Variants in ARSB observed in about 807,000 individuals in gnomAD.
ARSB encodes N-acetylgalactosamine-4-sulfatase.
Under a neutral mutation model 50.9 loss-of-function variants are expected in ARSB, and 41 were observed. That is an observed-to-expected ratio of 0.81 (90% CI 0.63 to 1.04). The LOEUF (loss-of-function observed/expected upper bound fraction) is 1.04. Among genes scored for constraint, ARSB ranks in the 50% least tolerant of loss-of-function variants. The probability of loss-of-function intolerance (pLI) is 0.00; values close to 1 mark genes in which losing one functional copy is unlikely to be tolerated. For synonymous variants in ARSB, 269 were observed against 284.8 expected, an observed-to-expected ratio of 0.94 and a Z score of 0.56; for missense variants, 672 against 693.3, an observed-to-expected ratio of 0.97 and a Z score of 0.35.
chr5:78,928,504 TG>T (rs1561507299), intron 4 of ARSB, among the ~76,000 whole-genome samples: 1 of 151,798 alleles, frequency 6.6e-6, no homozygotes, highest in Non-Finnish European at 1.5e-5. Flanking sequence ...TTAGTAGAGA[TG>T]GGGTTTCGCC....
intron 6 of ARSB, among the ~76,000 whole-genome samples, chr5:78,804,779 C>T (rs746353261): frequency 3.1e-4 from 47 of 152,292 alleles, no homozygotes; most frequent in African/African-American, 6.3e-4. Context: ...TCCCAGCTCC[C>T]GGACAGTGGC....
intron 6 of ARSB, among the ~76,000 whole-genome samples, chr5:78,795,767 T>A (rs1743157666): frequency 6.6e-6 from 1 of 152,242 alleles, no homozygotes; most frequent in South Asian, 2.1e-4. Flanking sequence ...AAAATGCTCA[T>A]AATTTTTATA....
Position 78,817,122 on chromosome 5 carries a change from A to G in ARSB, c.1213+22234T>C, listed in dbSNP as rs190624711. On this transcript the variant is annotated intron_variant, in intron 6 of 7. Coordinates refer to ENST00000264914, the MANE Select transcript of ARSB (RefSeq NM_000046.5). ...TCCTTGTCTTCCGGACTTCAGTTCA[A>G]TCAGTTCTCTACTGGGAGAGATAAA... is the stretch of plus-strand genomic sequence containing the variant. 5 of 985,368 alleles carry G rather than the reference A, an allele frequency of 5.1e-6. No individual in the cohort carries two copies. In the Admixed American group the frequency reaches 2.5e-4, roughly 48 times the overall value. 61.0% of individuals were successfully genotyped at this position (985,368 alleles called of 1,614,324 possible).
At chr5:78,929,083 C>A (rs1257153521) in intron 4 of ARSB, among the ~76,000 whole-genome samples, 1 of 152,198 alleles carries the variant, frequency 6.6e-6, no homozygotes, top group Non-Finnish European at 1.5e-5. Flanking sequence ...TAAGAAGCTC[C>A]TCAATGACCC....
chr5:78,870,516 A>C (rs1417107214), intron 5 of ARSB, among the ~76,000 whole-genome samples: 1 of 149,040 alleles, frequency 6.7e-6, no homozygotes, highest in Admixed American at 6.9e-5. Flanking sequence ...CAATATACGC[A>C]AATCAATAAA....
At chr5:78,882,535 T>C (rs1290408723) in intron 5 of ARSB, among the ~76,000 whole-genome samples, 2 of 152,174 alleles carry the variant, frequency 1.3e-5, no homozygotes, top group Non-Finnish European at 2.9e-5. Context: ...TCAGAGCTAA[T>C]GTTTTAAAAA....
intron 5 of ARSB, among the ~76,000 whole-genome samples, chr5:78,869,069 C>T (rs1349390497): frequency 1.3e-5 from 2 of 149,666 alleles, no homozygotes; most frequent in South Asian, 2.1e-4. Flanking sequence ...ACAAAGAAGG[C>T]CATTACATAC....
intron 4 of ARSB, among the ~76,000 whole-genome samples, chr5:78,894,160 A>G (rs1175710314): frequency 1.3e-5 from 2 of 152,230 alleles, no homozygotes; most frequent in African/African-American, 4.8e-5. Flanking sequence ...AGCAGGAGAA[A>G]AGTGAAAATA....
intron 4 of ARSB, among the ~76,000 whole-genome samples, chr5:78,951,984 C>G (rs867959658): frequency 5.9e-5 from 9 of 152,152 alleles, no homozygotes; most frequent in African/African-American, 2.2e-4. Flanking sequence ...GAAACCCTAG[C>G]AAACTGAATT....
At chr5:78,853,979 A>C (rs148154687) in intron 5 of ARSB, among the ~76,000 whole-genome samples, 9 of 152,332 alleles carry the variant, frequency 5.9e-5, no homozygotes, top group Non-Finnish European at 8.8e-5. Flanking sequence ...TTCTTTGACT[A>C]GGAAAGGGAA....
chr5:78,819,265 C>T (rs1744120068), intron 6 of ARSB, among the ~76,000 whole-genome samples: 1 of 152,178 alleles, frequency 6.6e-6, no homozygotes, highest in African/African-American at 2.4e-5. Context: ...GGGCCAACCT[C>T]ACTTCCCATC....
At chr5:78,863,241 G>A (rs1746538512) in intron 5 of ARSB, among the ~76,000 whole-genome samples, 1 of 152,138 alleles carries the variant, frequency 6.6e-6, no homozygotes, top group African/African-American at 2.4e-5. Flanking sequence ...GTTTGACCCA[G>A]TGATCCCATT....
intron 4 of ARSB, among the ~76,000 whole-genome samples, chr5:78,914,756 C>T (rs148569138): frequency 8.5e-5 from 13 of 152,246 alleles, no homozygotes; most frequent in South Asian, 2.1e-4. Context: ...CTACAATCTC[C>T]GCCAGGTTCA....
intron 4 of ARSB, among the ~76,000 whole-genome samples, chr5:78,942,388 T>C (rs1750980834): frequency 3.2e-5 from 1 of 30,948 alleles, no homozygotes; most frequent in Admixed American, 2.9e-4. Context: ...GTGTCAATTG[T>C]AGACCTTTCC....
At chr5:78,904,700 T>C (rs1372912211) in intron 4 of ARSB, among the ~76,000 whole-genome samples, 1 of 148,560 alleles carries the variant, frequency 6.7e-6, no homozygotes, top group African/African-American at 2.5e-5. Context: ...TTTTTTTTTT[T>C]TTTTTGAGAG....
chr5:78,808,177 A>G (rs1225242420), intron 6 of ARSB, among the ~76,000 whole-genome samples: 1 of 150,818 alleles, frequency 6.6e-6, no homozygotes, highest in Non-Finnish European at 1.5e-5. Context: ...CATAATAAAC[A>G]CCATGTACCC....
chr5:78,984,623 G>A (rs989672281), intron 1 of ARSB, among the ~76,000 whole-genome samples: 1 of 151,938 alleles, frequency 6.6e-6, no homozygotes, highest in African/African-American at 2.4e-5. Flanking sequence ...CCTGCCGGCC[G>A]CGGCGCCCAG....
Position 78,780,374 on chromosome 5 carries a change from G to A in ARSB, c.*23C>T, listed in dbSNP as rs1748888723. ...CCTGAGGTCCAACTTCCAATTGAAA[G>A]GTTTTCTAGCCTCCCTGAAATCCTA... On this transcript the variant is annotated 3_prime_UTR_variant, in exon 8 of 8. Transcript: ENST00000264914. The A allele has an allele frequency of 1.2e-6, 2 of 1,613,476 alleles. No individual in the cohort carries two copies. The highest frequency in any genetic ancestry group is 1.7e-6 in the Non-Finnish European group (2 of 1,179,990).
At chr5:78,886,980 G>C (rs1033988738) in intron 4 of ARSB, among the ~76,000 whole-genome samples, 1 of 152,154 alleles carries the variant, frequency 6.6e-6, no homozygotes, top group African/African-American at 2.4e-5. Flanking sequence ...ACAGAATCTG[G>C]GGTTGGCAGA....
Sources: allele counts gnomAD v4.1 joint callset (sites outside exome capture counted in the v4.1 genomes callset), GRCh38; gene constraint gnomAD v4.1.1; transcripts MANE v1.5; gene names NCBI Gene and HGNC (gene_info 2026-07-23, HGNC 2026-07-21).